The following SSBP2 variants were observed in gnomAD, a reference collection of about 807,000 sequenced individuals.
SSBP2 encodes single stranded DNA binding protein 2.
SSBP2 carries 17 observed loss-of-function variants against 61.8 expected under a neutral mutation model. The ratio of observed to expected loss-of-function variants is 0.28; its 90% CI spans 0.19 to 0.41. The LOEUF (loss-of-function observed/expected upper bound fraction) is 0.41, where lower values mean the gene tolerates loss of function less well. Ranked by LOEUF, SSBP2 falls within the 10% of genes least tolerant of loss-of-function variation. SSBP2 has a pLI of 1.00. For synonymous variants in SSBP2, 139 were observed against 141.3 expected (o/e 0.98, Z 0.12); for missense variants, 310 against 458.7 (o/e 0.68, Z 2.96).
At chr5:81,423,591 A>T (rs1308807870) in intron 16 of SSBP2, among the ~76,000 whole-genome samples, 1 of 152,102 alleles carries the variant, frequency 6.6e-6, no homozygotes, top group Admixed American at 6.5e-5. Context: ...AAAAAATACA[A>T]AAAGTTAGCC....
At chr5:81,694,306 A>G (rs1753439797) in intron 1 of SSBP2, among the ~76,000 whole-genome samples, 1 of 152,242 alleles carries the variant, frequency 6.6e-6, no homozygotes, top group Non-Finnish European at 1.5e-5. Context: ...ACATTTTAAA[A>G]CAACTAAAAA....
intron 7 of SSBP2, 32 bp downstream of exon 7, chr5:81,474,464 C>G: frequency 6.3e-7 from 1 of 1,586,268 alleles, no homozygotes; most frequent in Non-Finnish European, 8.7e-7. Context: ...TGGTTCTGCA[C>G]ATCAATTTTC....
chr5:81,469,912 T>C (rs190063676), intron 8 of SSBP2, among the ~76,000 whole-genome samples: 219 of 152,084 alleles, frequency 1.4e-3, no homozygotes, highest in African/African-American at 5.0e-3. Flanking sequence ...CCCACTGCAA[T>C]GTTTCTGACA....
At chr5:81,472,585 TG>T (rs1218188282) in intron 8 of SSBP2, among the ~76,000 whole-genome samples, 4 of 152,132 alleles carry the variant, frequency 2.6e-5, no homozygotes, top group African/African-American at 9.7e-5. Flanking sequence ...TTCAATCAAC[TG>T]GGTTTTATTT....
intron 4 of SSBP2, among the ~76,000 whole-genome samples, chr5:81,600,658 T>C (rs538531236): frequency 2.7e-4 from 40 of 148,368 alleles, no homozygotes; most frequent in Non-Finnish European, 4.8e-4. Flanking sequence ...TTCAGAATCA[T>C]AAGAAAAAAA....
intron 1 of SSBP2, 121 bp downstream of exon 1, chr5:81,750,860 T>G: frequency 1.1e-5 from 8 of 742,750 alleles, no homozygotes; most frequent in East Asian, 5.7e-5. Flanking sequence ...CCCCTCCCCC[T>G]GCCAGCCCAC....
chr5:81,654,000 T>TG (rs1444884267), intron 1 of SSBP2, among the ~76,000 whole-genome samples: 1 of 150,750 alleles, frequency 6.6e-6, no homozygotes. Flanking sequence ...TTTGTTTTGT[T>TG]TTTTTTTTTG....
chr5:81,676,222 T>C (rs569803513), intron 1 of SSBP2, among the ~76,000 whole-genome samples: 2 of 152,330 alleles, frequency 1.3e-5, no homozygotes, highest in East Asian at 3.9e-4. Flanking sequence ...TTGAATTTTA[T>C]AGTCTATGGC....
At chr5:81,730,037 T>A (rs10942283) in intron 1 of SSBP2, among the ~76,000 whole-genome samples, 1 of 152,118 alleles carries the variant, frequency 6.6e-6, no homozygotes, top group African/African-American at 2.4e-5. Flanking sequence ...AATACAGATA[T>A]ACAAAGTAAA....
chr5:81,701,138 T>TC (rs1382318451), intron 1 of SSBP2, among the ~76,000 whole-genome samples: 1 of 152,228 alleles, frequency 6.6e-6, no homozygotes, highest in African/African-American at 2.4e-5. Context: ...ATATGATTCT[T>TC]CCTTTCACTT....
chr5:81,599,033 T>C (rs1744075250), intron 4 of SSBP2, among the ~76,000 whole-genome samples: 1 of 152,214 alleles, frequency 6.6e-6, no homozygotes, highest in African/African-American at 2.4e-5. Context: ...ATCACTGCCT[T>C]TATAATTCTG....
chr5:81,563,929 T>C (rs1222749221), intron 4 of SSBP2, among the ~76,000 whole-genome samples: 1 of 152,096 alleles, frequency 6.6e-6, no homozygotes, highest in Non-Finnish European at 1.5e-5. Context: ...TAACAATCAG[T>C]GGGTGTAAAG....
intron 1 of SSBP2, among the ~76,000 whole-genome samples, chr5:81,709,513 C>T (rs1042138892): frequency 2.6e-5 from 4 of 151,732 alleles, no homozygotes; most frequent in African/African-American, 9.7e-5. Context: ...AGCATATCAA[C>T]AAATCTTAAT....
intron 12 of SSBP2, among the ~76,000 whole-genome samples, chr5:81,446,298 CTATT>C (rs1324797534): frequency 1.3e-5 from 2 of 152,050 alleles, no homozygotes; most frequent in African/African-American, 4.8e-5. Context: ...AATGATAAAA[CTATT>C]TAAAGTAATT....
At chr5:81,501,268 T>TATAC (rs1205403428) in intron 5 of SSBP2, among the ~76,000 whole-genome samples, 10 of 35,750 alleles carry the variant, frequency 2.8e-4, no homozygotes, top group Non-Finnish European at 4.2e-4. Context: ...TATATATATA[T>TATAC]ACACACACAC....
intron 4 of SSBP2, among the ~76,000 whole-genome samples, chr5:81,541,953 CAA>C (rs1022138152): frequency 1.3e-5 from 2 of 152,104 alleles, no homozygotes; most frequent in African/African-American, 4.8e-5. Context: ...GTCTGCAAAG[CAA>C]AGAAACTATC....
At chr5:81,615,267 C>G (rs185043984) in intron 4 of SSBP2, 1 of 542,572 alleles carries the variant, frequency 1.8e-6, no homozygotes, top group Non-Finnish European at 3.2e-6. Flanking sequence ...AGAATTAGGC[C>G]TACGCTTTAT....
chr5:81,481,417 T>A (rs1457153179), intron 6 of SSBP2, among the ~76,000 whole-genome samples: 1 of 151,548 alleles, frequency 6.6e-6, no homozygotes, highest in Non-Finnish European at 1.5e-5. Flanking sequence ...AGGTCAGGAG[T>A]TCGAGACCAG....
intron 4 of SSBP2, among the ~76,000 whole-genome samples, chr5:81,559,257 C>T (rs1429911887): frequency 2.6e-5 from 4 of 151,966 alleles, no homozygotes; most frequent in African/African-American, 4.8e-5. Flanking sequence ...CGTGGTGGGC[C>T]GTGCCTGTAA....
Sources: allele counts gnomAD v4.1 joint callset (sites outside exome capture counted in the v4.1 genomes callset), GRCh38; gene constraint gnomAD v4.1.1; transcripts MANE v1.5; gene names NCBI Gene and HGNC (gene_info 2026-07-23, HGNC 2026-07-21).